The following FUT8 variants were observed in gnomAD, a reference collection of about 807,000 sequenced individuals.
FUT8 encodes the protein fucosyltransferase 8, also known as alpha-(1,6)-fucosyltransferase.
Under a neutral mutation model 71.3 loss-of-function variants are expected in FUT8, and 29 were observed. That is an observed-to-expected ratio of 0.41 (90% CI 0.30 to 0.55). The LOEUF (loss-of-function observed/expected upper bound fraction) is 0.55. Among genes scored for constraint, FUT8 ranks in the 20% least tolerant of loss-of-function variants. The pLI, the probability that FUT8 is intolerant of heterozygous loss-of-function variation, is 0.34. For missense variants in FUT8, 544 were observed against 702.1 expected, an observed-to-expected ratio of 0.77 and a Z score of 2.55; for synonymous variants, 254 against 239.3, an observed-to-expected ratio of 1.06 and a Z score of -0.57.
rs141318525 is a variant in FUT8 at position 65,444,823 on chromosome 14, A to G, written c.-325-10798A>G. ...AATTCATGTTGAAACTTAATCACCA[A>G]TGCAACAGTGTTGGGAGGGGGGCCC... On this transcript the variant is annotated intron_variant, in intron 1 of 10. Transcript: ENST00000673929. 1.0e-3 allele frequency among the ~76,000 whole-genome samples: 152 copies of G among 152,300 alleles called. 1 individual carries two copies. The highest frequency in any genetic ancestry group is 3.6e-3 in the African/African-American group (150 of 41,562).
chr14:65,490,767 T>C (rs1023508589), intron 2 of FUT8, among the ~76,000 whole-genome samples: 15 of 152,052 alleles, frequency 9.9e-5, no homozygotes, highest in Non-Finnish European at 4.4e-5. Flanking sequence ...CAGTCAGAGA[T>C]TATATATAAG....
Position 65,742,433 on chromosome 14 carries a change from G to T in FUT8, c.*23G>T. On this transcript the variant is annotated 3_prime_UTR_variant, in exon 11 of 11. Coordinates refer to ENST00000673929, the MANE Select transcript of FUT8 (RefSeq NM_001371533.1). Reference sequence around the variant, plus strand: ...TAAAGCTCAGATGGAAGAGATAAACGACCAAACTCAGTTCGACCAAACTCA... The same window carrying T: ...TAAAGCTCAGATGGAAGAGATAAACTACCAAACTCAGTTCGACCAAACTCA... 1.3e-6 allele frequency: 2 copies of T among 1,597,086 alleles called. No homozygotes were observed. Among genetic ancestry groups the T allele is most frequent in the South Asian group, 2.2e-5 (2 of 89,296 alleles).
intron 6 of FUT8, among the ~76,000 whole-genome samples, chr14:65,642,873 A>G (rs1176163070): frequency 1.3e-5 from 2 of 152,196 alleles, no homozygotes; most frequent in East Asian, 1.9e-4. Flanking sequence ...CAGTTTGTCA[A>G]ACTCACCTGG....
chr14:65,409,305 T>C (rs1020509506), upstream of FUT8, among the ~76,000 whole-genome samples: 8 of 152,196 alleles, frequency 5.3e-5, no homozygotes, highest in African/African-American at 1.9e-4. This position sits in a 1 kb window ranked among gnomAD's most constrained non-coding sequence, Gnocchi z 5.4. Context: ...TTGGTACACG[T>C]TGGTAGAGAT....
chr14:65,702,745 GT>G (rs201599941), intron 7 of FUT8, among the ~76,000 whole-genome samples: 61 of 145,066 alleles, frequency 4.2e-4, no homozygotes, highest in Admixed American at 4.8e-4. Flanking sequence ...AATTTTTGTG[GT>G]TTTTTTTTTT....
chr14:65,614,795 G>C (rs1566853686), intron 3 of FUT8, among the ~76,000 whole-genome samples: 1 of 152,086 alleles, frequency 6.6e-6, no homozygotes, highest in Non-Finnish European at 1.5e-5. Context: ...TATATATTCA[G>C]AGTTTCTTTT....
intron 2 of FUT8, among the ~76,000 whole-genome samples, chr14:65,499,246 C>T (rs1242767511): frequency 6.6e-6 from 1 of 152,066 alleles, no homozygotes; most frequent in Non-Finnish European, 1.5e-5. Context: ...CAGAGAAGAG[C>T]ACACTAATTT....
chr14:65,367,334 A>G, the FUT8 span, among the ~76,000 whole-genome samples: 1,077 of 152,300 alleles, frequency 7.1e-3, 13 homozygotes, highest in African/African-American at 0.024. Flanking sequence ...CAGTGGGATG[A>G]GATCTCCATT....
At chr14:65,461,137 C>T (rs966035388) in intron 2 of FUT8, among the ~76,000 whole-genome samples, 14 of 152,198 alleles carry the variant, frequency 9.2e-5, no homozygotes, top group Non-Finnish European at 1.5e-4. Context: ...GCCACACTCT[C>T]TCCGAAGGCT....
chr14:65,463,239 A>G (rs1006029603), intron 2 of FUT8, among the ~76,000 whole-genome samples: 1 of 152,210 alleles, frequency 6.6e-6, no homozygotes, highest in South Asian at 2.1e-4. Context: ...ATTCTAGTCA[A>G]TTAAAAGAGT....
the FUT8 span, among the ~76,000 whole-genome samples, chr14:65,375,634 A>T: frequency 6.6e-6 from 1 of 151,794 alleles, no homozygotes; most frequent in African/African-American, 2.4e-5. Flanking sequence ...TGAAAAGAAT[A>T]GGGCGGGAGT....
the FUT8 span, among the ~76,000 whole-genome samples, chr14:65,368,732 A>G: frequency 3.3e-4 from 50 of 151,444 alleles, no homozygotes; most frequent in African/African-American, 1.1e-3. Context: ...CGTGTTAGCC[A>G]GGATGGTCTC....
chr14:65,578,374 AC>A (rs1886904250), intron 3 of FUT8, among the ~76,000 whole-genome samples: 1 of 152,162 alleles, frequency 6.6e-6, no homozygotes, highest in Non-Finnish European at 1.5e-5. Flanking sequence ...GCTATTTCTT[AC>A]GTTTCTTTCA....
the FUT8 span, among the ~76,000 whole-genome samples, chr14:65,399,347 C>T: frequency 6.6e-6 from 1 of 152,132 alleles, no homozygotes; most frequent in Non-Finnish European, 1.5e-5. Context: ...AATAGTATTG[C>T]ATAGGCTCAG....
At chr14:65,568,693 T>G (rs931450471) in intron 3 of FUT8, among the ~76,000 whole-genome samples, 1 of 151,638 alleles carries the variant, frequency 6.6e-6, no homozygotes, top group Admixed American at 6.6e-5. Context: ...TGACTTATGT[T>G]GTTGAATGCT....
chr14:65,387,212 C>T, the FUT8 span, among the ~76,000 whole-genome samples: 4 of 152,130 alleles, frequency 2.6e-5, no homozygotes, highest in Non-Finnish European at 4.4e-5. Context: ...GACTTGGAAA[C>T]AGTTTGAGCC....
chr14:65,692,620 C>A (rs1327366977), intron 7 of FUT8, among the ~76,000 whole-genome samples: 20 of 151,138 alleles, frequency 1.3e-4, no homozygotes, highest in Non-Finnish European at 2.8e-4. Flanking sequence ...ACCCCCACCC[C>A]CCTCCCAGAC....
At chr14:65,732,685 C>T (rs780279174) in intron 9 of FUT8, among the ~76,000 whole-genome samples, 5 of 152,116 alleles carry the variant, frequency 3.3e-5, no homozygotes, top group African/African-American at 4.8e-5. Flanking sequence ...GATGGTTCTT[C>T]AAGAAGGATG....
chr14:65,481,834 T>A (rs1006443688), intron 2 of FUT8, among the ~76,000 whole-genome samples: 2 of 152,174 alleles, frequency 1.3e-5, no homozygotes, highest in African/African-American at 2.4e-5. Flanking sequence ...TGTTTTCTTA[T>A]TATTGAGTTT....
Sources: allele counts gnomAD v4.1 joint callset (sites outside exome capture counted in the v4.1 genomes callset), GRCh38; gene constraint gnomAD v4.1.1; non-coding constraint Gnocchi (gnomAD v3.1); transcripts MANE v1.5; gene names NCBI Gene and HGNC (gene_info 2026-07-23, HGNC 2026-07-21).